DNAH6: variants seen among roughly 807,000 people sequenced by gnomAD.
DNAH6 encodes the protein axonemal beta dynein heavy chain 6.
In DNAH6, 340 loss-of-function variants were observed where a neutral mutation model predicts 491.4. That is an observed-to-expected ratio of 0.69 (90% CI 0.63 to 0.76). DNAH6 has a LOEUF of 0.76. Among genes scored for constraint, DNAH6 ranks in the 30% least tolerant of loss-of-function variants. The pLI is 0.00. For synonymous variants in DNAH6, 1,603 were observed against 1,686.1 expected, an observed-to-expected ratio of 0.95 and a Z score of 1.21; for missense variants, 4,443 against 4,972.2, an observed-to-expected ratio of 0.89 and a Z score of 3.20.
intron 11 of DNAH6, among the ~76,000 whole-genome samples, chr2:84,572,981 A>G (rs1189722482): frequency 6.6e-6 from 1 of 152,198 alleles, no homozygotes; most frequent in East Asian, 1.9e-4. Flanking sequence ...AAAAGTTTTT[A>G]TTATGGCAAA....
intron 54 of DNAH6, among the ~76,000 whole-genome samples, 158 bp downstream of exon 54, chr2:84,707,874 G>A (rs1047458688): frequency 6.6e-6 from 1 of 152,140 alleles, no homozygotes; most frequent in Non-Finnish European, 1.5e-5. Context: ...TCCCCAATAA[G>A]CCAGTGATGG....
chr2:84,794,436 A>C (rs1471600229), intron 68 of DNAH6, among the ~76,000 whole-genome samples: 5 of 151,378 alleles, frequency 3.3e-5, no homozygotes, highest in Admixed American at 3.3e-4. Flanking sequence ...CATCTGACAA[A>C]GGGTTAATAT....
intron 2 of DNAH6, among the ~76,000 whole-genome samples, chr2:84,523,865 A>G (rs1177882347): frequency 6.6e-6 from 1 of 152,018 alleles, no homozygotes; most frequent in Admixed American, 6.6e-5. Context: ...GGATTGTTTT[A>G]TGTCTGATCA....
At chr2:84,688,618 A>C in intron 45 of DNAH6, 25 bp downstream of exon 45, 1 of 1,492,764 alleles carries the variant, frequency 6.7e-7, no homozygotes, top group Non-Finnish European at 8.9e-7. Context: ...GGCGCCCAAT[A>C]ATGCATTGAT....
intron 47 of DNAH6, among the ~76,000 whole-genome samples, chr2:84,698,798 A>C (rs544408483): frequency 8.4e-4 from 128 of 152,352 alleles, no homozygotes; most frequent in Admixed American, 1.6e-3. Flanking sequence ...GGTGCCCATC[A>C]GTGGTGGATT....
At chr2:84,764,947 A>G (rs937404767) in intron 64 of DNAH6, among the ~76,000 whole-genome samples, 2 of 152,118 alleles carry the variant, frequency 1.3e-5, no homozygotes, top group African/African-American at 4.8e-5. Context: ...CCAACTAGAA[A>G]ATGAGTATAT....
rs368104186 is a variant in DNAH6 at position 84,703,557 on chromosome 2, G to A, written c.8224G>A (p.Asp2742Asn). The change falls in exon 50 of 77, where the codon GAT becomes AAT. Residue 2742 changes from aspartate to asparagine, a missense_variant. Transcript: ENST00000389394. ...EKLAVDQESA[D>N]QVRNTVQEDE... ...ATTGGCAGTGGATCAAGAAAGTGCC[G>A]ATCAGGTATGCTGCAGTTCCTGAGA... 2.3e-5 allele frequency: 35 copies of A among 1,550,060 alleles called. No individual in the cohort carries two copies. Among genetic ancestry groups the A allele is most frequent in the South Asian group, 1.6e-4 (13 of 83,760 alleles).
intron 29 of DNAH6, 39 bp downstream of exon 29, chr2:84,625,102 T>C (rs1243577007): frequency 6.9e-7 from 1 of 1,446,272 alleles, no homozygotes; most frequent in Non-Finnish European, 9.1e-7. Flanking sequence ...TTAAGTGTTT[T>C]ATGTGTCTTT....
chr2:84,596,194 A>T (rs765974088), intron 18 of DNAH6, among the ~76,000 whole-genome samples: 2 of 152,204 alleles, frequency 1.3e-5, no homozygotes, highest in Non-Finnish European at 2.9e-5. Context: ...ATGTGAAGGA[A>T]GTTGGGAAGC....
chr2:84,803,344 G>C (rs1679103432), intron 70 of DNAH6, among the ~76,000 whole-genome samples: 1 of 152,302 alleles, frequency 6.6e-6, no homozygotes, highest in East Asian at 1.9e-4. Flanking sequence ...CAACCTGTTA[G>C]ATACTATGTT....
chr2:84,574,412 A>G (rs2103954935), intron 12 of DNAH6, among the ~76,000 whole-genome samples: 1 of 152,362 alleles, frequency 6.6e-6, no homozygotes, highest in Non-Finnish European at 1.5e-5. Flanking sequence ...CCACCGAAAT[A>G]GCAATTCCTT....
chr2:84,588,954 G>A lies in DNAH6; in HGVS notation c.2610G>A (p.Lys870=). The A allele has an allele frequency of 1.9e-6, 3 of 1,543,240 alleles. 1 individual carries two copies. In the South Asian group the frequency reaches 3.7e-5, roughly 19 times the overall value. The change falls in exon 16 of 77, where the codon AAG becomes AAA. Residue 870 remains lysine, a splice_region_variant and synonymous_variant. Coordinates refer to ENST00000389394, the MANE Select transcript of DNAH6 (RefSeq NM_001370.2). ...FQYKSYQKNF[K]VEVSKFEALE... Reference sequence around the variant, plus strand: ...ATAAGTCCTATCAGAAGAATTTTAAGGTAATGACAGTTTTACACCATCTGT... The same window carrying A: ...ATAAGTCCTATCAGAAGAATTTTAAAGTAATGACAGTTTTACACCATCTGT...
rs1404113041 is a variant in DNAH6, at chr2:84,722,694, C to T, written c.9862C>T (p.Arg3288Cys). The T allele has an allele frequency of 8.4e-6, 13 of 1,549,878 alleles. No individual in the cohort carries two copies. Among genetic ancestry groups the T allele is most frequent in the South Asian group, 3.6e-5 (3 of 83,692 alleles). ...CACTGAGCAGATGATCAATGTGGCT[C>T]GTGAGAAGTATCGTCCAGTGGCCAC... is the stretch of plus-strand genomic sequence containing the variant. ...ESTEQMINVA[R>C]EKYRPVATQG... Residue 3288 changes from arginine to cysteine, a missense_variant, in exon 60 of 77, where the codon CGT (arginine) becomes TGT (cysteine). Around this residue, in one of 3 missense-constraint regions of DNAH6, gnomAD observed 1,463 missense variants for 1,656.6 expected, o/e 0.88. Transcript: ENST00000389394.
intron 4 of DNAH6, among the ~76,000 whole-genome samples, chr2:84,533,196 A>G (rs1299965393): frequency 6.6e-6 from 1 of 152,110 alleles, no homozygotes; most frequent in African/African-American, 2.4e-5. Context: ...AGTAAACCTC[A>G]TTTTTTGACT....
At chr2:84,666,558 C>A (rs1223362643) in intron 37 of DNAH6, among the ~76,000 whole-genome samples, 1 of 152,060 alleles carries the variant, frequency 6.6e-6, no homozygotes, top group East Asian at 1.9e-4. Context: ...ATGTGAAGGA[C>A]CTCTTCAAGG....
intron 41 of DNAH6, among the ~76,000 whole-genome samples, chr2:84,678,183 T>C (rs1318555030): frequency 6.6e-5 from 10 of 152,200 alleles, no homozygotes; most frequent in Non-Finnish European, 1.3e-4. Context: ...AATAAGCTGT[T>C]TAGGAGCTAA....
intron 49 of DNAH6, 108 bp downstream of exon 49, chr2:84,701,447 C>A: frequency 8.7e-7 from 1 of 1,154,468 alleles, no homozygotes; most frequent in Non-Finnish European, 1.2e-6. Context: ...CTGTATTAGT[C>A]CATTCTCGCA....
chr2:84,488,670 C>T, the DNAH6 span, among the ~76,000 whole-genome samples: 3 of 152,240 alleles, frequency 2.0e-5, no homozygotes, highest in South Asian at 4.1e-4. Flanking sequence ...TTACATTGGG[C>T]CCGCCTGAAT....
chr2:84,484,708 C>G, the DNAH6 span, among the ~76,000 whole-genome samples: 1 of 152,166 alleles, frequency 6.6e-6, no homozygotes, highest in African/African-American at 2.4e-5. Context: ...ATTGGGCCTA[C>G]ATGAATAATC....
Sources: allele counts gnomAD v4.1 joint callset (sites outside exome capture counted in the v4.1 genomes callset), GRCh38; gene constraint gnomAD v4.1.1; regional missense constraint gnomAD v4.1.1; transcripts MANE v1.5; gene names NCBI Gene and HGNC (gene_info 2026-07-23, HGNC 2026-07-21).